MMP26: variants seen among roughly 807,000 people sequenced by gnomAD.
MMP26 encodes matrix metallopeptidase 26.
Under a neutral mutation model 31.0 loss-of-function variants are expected in MMP26, and 33 were observed. The ratio of observed to expected loss-of-function variants is 1.06; its 90% confidence interval spans 0.81 to 1.42. The LOEUF is 1.42. MMP26 is among the 40% of genes most tolerant of loss of function. MMP26 has a pLI of 0.00. For missense variants in MMP26, 347 were observed against 316.1 expected (o/e 1.10, Z -0.74); for synonymous variants, 122 against 114.9 (o/e 1.06, Z -0.40).
chr11:4,987,765 C>G (rs1225271571), intron 2 of MMP26, among the ~76,000 whole-genome samples: 1 of 152,152 alleles, frequency 6.6e-6, no homozygotes, highest in African/African-American at 2.4e-5. Flanking sequence ...TTACAGCAGA[C>G]ATTATTTATT....
chr11:4,848,528 C>G, intron 2 of MMP26: 3 of 1,613,372 alleles, frequency 1.9e-6, no homozygotes, highest in African/African-American at 1.3e-5. Context: ...CCTTGCCAAT[C>G]AGGCCATAGG....
chr11:4,770,274 A>G (rs1055163013), intron 2 of MMP26, among the ~76,000 whole-genome samples: 1 of 152,238 alleles, frequency 6.6e-6, no homozygotes. Flanking sequence ...AGTATCCTCA[A>G]TTTTGAATAT....
intron 1 of MMP26, chr11:4,722,992 C>T (rs1033950069): frequency 3.5e-6 from 3 of 861,444 alleles, no homozygotes; most frequent in Admixed American, 1.7e-5. Context: ...GCCGGCTCTC[C>T]TCGCCATCCA....
chr11:4,957,023 G>T (rs772440820), intron 2 of MMP26, among the ~76,000 whole-genome samples: 1 of 152,000 alleles, frequency 6.6e-6, no homozygotes. Context: ...AGATCAAGTC[G>T]TCTGTTTAAG....
chr11:4,944,635 G>T (rs1413113175), intron 2 of MMP26: 1 of 152,100 alleles, frequency 6.6e-6, no homozygotes, highest in African/African-American at 2.4e-5. Context: ...TGATAAAAAT[G>T]ACTTGATTCA....
rs1390527534 is a variant in MMP26, at chr11:4,988,382, T to C, written c.99+72T>C. 4 of 1,062,680 alleles carry C rather than the reference T, an allele frequency of 3.8e-6. No individual in the cohort carries two copies. In the East Asian group the frequency reaches 7.1e-5, roughly 19 times the overall value. 65.8% of individuals were successfully genotyped at this position (1,062,680 alleles called of 1,614,324 possible). On this transcript the variant is annotated intron_variant, in intron 3 of 7. Coordinates refer to ENST00000380390, the MANE Select transcript of MMP26 (RefSeq NM_021801.5). ...GGCTCTTATTTCGTGTGTGTGTGTATGTGTGACTGCATGGTATAATGATAA... is the reference window on the plus strand; with the variant it reads ...GGCTCTTATTTCGTGTGTGTGTGTACGTGTGACTGCATGGTATAATGATAA...
chr11:4,801,164 T>A (rs1849175686), intron 2 of MMP26, among the ~76,000 whole-genome samples: 1 of 152,192 alleles, frequency 6.6e-6, no homozygotes, highest in South Asian at 2.1e-4. Flanking sequence ...CTTCCTGTCT[T>A]CTTCTGAGTT....
At position 4,860,022 on chromosome 11, in the gene MMP26, A is replaced by G. The variant is rs16906807; in HGVS notation, c.-145+92681A>G. The G allele has an allele frequency of 6.8e-3, 3,206 of 471,044 alleles. 94 individuals carry two copies. Among genetic ancestry groups the G allele is most frequent in the African/African-American group, 0.058 (2,888 of 50,146 alleles). The allele number at this position is 471,044 out of a possible 1,614,324, so 29.2% of individuals were successfully genotyped here. ...CTAGCCGCATCATGTTTTGGTGAAGACAGTATGAATGAGACAAGACATTGG... is the reference window on the plus strand; with the variant it reads ...CTAGCCGCATCATGTTTTGGTGAAGGCAGTATGAATGAGACAAGACATTGG... On this transcript the variant is annotated intron_variant, in intron 2 of 7. Coordinates refer to ENST00000380390, the MANE Select transcript of MMP26 (RefSeq NM_021801.5).
At chr11:4,804,800 A>C (rs1487976645) in intron 2 of MMP26, among the ~76,000 whole-genome samples, 40 of 140,252 alleles carry the variant, frequency 2.9e-4, no homozygotes, top group African/African-American at 1.0e-3. Flanking sequence ...CAAAAACAAA[A>C]CAAAACAAAA....
chr11:4,790,474 A>T (rs1335225447), intron 2 of MMP26, among the ~76,000 whole-genome samples: 6 of 152,194 alleles, frequency 3.9e-5, no homozygotes, highest in Non-Finnish European at 7.3e-5. Flanking sequence ...ATTTTTTGAC[A>T]GTAGGTCACA....
intron 2 of MMP26, among the ~76,000 whole-genome samples, chr11:4,902,489 C>T (rs1164506888): frequency 6.6e-6 from 1 of 152,166 alleles, no homozygotes; most frequent in Non-Finnish European, 1.5e-5. Flanking sequence ...CCCTGGTGTA[C>T]ATGTATCACA....
chr11:4,915,627 CGCT>C, intron 2 of MMP26: 2 of 1,613,502 alleles, frequency 1.2e-6, no homozygotes, highest in Non-Finnish European at 1.7e-6. Context: ...GTAGCAGAAA[CGCT>C]GCTGCTGCTG....
intron 2 of MMP26, among the ~76,000 whole-genome samples, chr11:4,837,645 A>C (rs933382593): frequency 6.6e-6 from 1 of 152,192 alleles, no homozygotes; most frequent in African/African-American, 2.4e-5. Flanking sequence ...AAAATTAAGT[A>C]AAATTAGATA....
At chr11:4,718,300 GCTGA>G (rs1238670125) in intron 1 of MMP26, among the ~76,000 whole-genome samples, 1 of 152,118 alleles carries the variant, frequency 6.6e-6, no homozygotes, top group Non-Finnish European at 1.5e-5. Flanking sequence ...ACAAATATTT[GCTGA>G]CTACCTACCA....
intron 2 of MMP26, among the ~76,000 whole-genome samples, chr11:4,986,956 T>TCC (rs1411584548): frequency 7.1e-6 from 1 of 140,258 alleles, no homozygotes; most frequent in African/African-American, 2.8e-5. Context: ...TCTCTCTCTC[T>TCC]CTCCCTCTCT....
intron 2 of MMP26, among the ~76,000 whole-genome samples, chr11:4,880,965 A>G (rs1850453024): frequency 6.6e-6 from 1 of 152,076 alleles, no homozygotes; most frequent in South Asian, 2.1e-4. Flanking sequence ...GAGTTGAGTG[A>G]GTGTTATTCA....
At chr11:4,849,278 A>C in intron 2 of MMP26, 6 of 1,512,116 alleles carry the variant, frequency 4.0e-6, no homozygotes, top group Non-Finnish European at 4.4e-6. Flanking sequence ...TCGCGTGCCA[A>C]ATTTGCATGA....
intron 1 of MMP26, among the ~76,000 whole-genome samples, chr11:4,739,852 G>T (rs116876901): frequency 0.025 from 3,878 of 152,126 alleles, 77 homozygotes; most frequent in Middle Eastern, 0.061. Context: ...CTTTGGTCTT[G>T]CCATTTAATG....
At chr11:4,915,313 G>T in intron 2 of MMP26, 3 of 1,613,988 alleles carry the variant, frequency 1.9e-6, no homozygotes, top group Non-Finnish European at 2.5e-6. Context: ...GTAGCACAGA[G>T]GACTCGAGGA....
Sources: allele counts gnomAD v4.1 joint callset (sites outside exome capture counted in the v4.1 genomes callset), GRCh38; gene constraint gnomAD v4.1.1; transcripts MANE v1.5; gene names NCBI Gene and HGNC (gene_info 2026-07-23, HGNC 2026-07-21).